DUS2: variants seen among roughly 807,000 people sequenced by gnomAD.
The protein encoded by DUS2 is tRNA-dihydrouridine(20) synthase [NAD(P)+]-like.
Under a neutral mutation model 71.3 loss-of-function variants are expected in DUS2, and 52 were observed. That is an observed-to-expected ratio of 0.73 (90% confidence interval 0.58 to 0.92). The LOEUF (loss-of-function observed/expected upper bound fraction) is 0.92. Among genes scored for constraint, DUS2 ranks in the 40% least tolerant of loss-of-function variants. The pLI is 0.00. For synonymous variants in DUS2, 204 were observed against 227.8 expected (o/e 0.90, Z 0.94); for missense variants, 558 against 622.6 (o/e 0.90, Z 1.10).
chr16:68,049,406 C>G, intron 3 of DUS2, 99 bp from the exon 4 acceptor site: 1 of 1,278,816 alleles, frequency 7.8e-7, no homozygotes, highest in Non-Finnish European at 1.1e-6. Flanking sequence ...GGTAGTAGGG[C>G]GACTGGCCAA....
chr16:68,029,468 G>A (rs1341877317), intron 2 of DUS2, among the ~76,000 whole-genome samples: 1 of 151,586 alleles, frequency 6.6e-6, no homozygotes, highest in East Asian at 1.9e-4. Flanking sequence ...TTTTTTTGAG[G>A]CAGAGTCTTG....
At chr16:68,028,437 C>T (rs1431821097) in intron 2 of DUS2, among the ~76,000 whole-genome samples, 1 of 151,922 alleles carries the variant, frequency 6.6e-6, no homozygotes, top group Non-Finnish European at 1.5e-5. Context: ...AGTTTGAGAC[C>T]AGTCTGGCCA....
intron 2 of DUS2, among the ~76,000 whole-genome samples, chr16:68,034,311 A>G (rs1290774149): frequency 2.0e-5 from 3 of 151,044 alleles, no homozygotes; most frequent in Non-Finnish European, 4.4e-5. Flanking sequence ...TCCCATCTCC[A>G]ACTCAAGCGA....
intron 3 of DUS2, among the ~76,000 whole-genome samples, chr16:68,043,074 A>C (rs1419223914): frequency 6.6e-6 from 1 of 152,090 alleles, no homozygotes; most frequent in Admixed American, 6.6e-5. Flanking sequence ...GCTGGTCCCA[A>C]ACAGGTGGCC....
chr16:68,044,216 T>A (rs2033670146), intron 3 of DUS2, among the ~76,000 whole-genome samples: 1 of 152,166 alleles, frequency 6.6e-6, no homozygotes, highest in Non-Finnish European at 1.5e-5. Flanking sequence ...TAATCTGGGT[T>A]CTTTGCATTG....
At chr16:68,038,900 A>G (rs1450216633) in intron 3 of DUS2, among the ~76,000 whole-genome samples, 1 of 150,428 alleles carries the variant, frequency 6.6e-6, no homozygotes, top group East Asian at 2.0e-4. Flanking sequence ...AAAAAAATTT[A>G]TATATTAAAA....
chr16:68,053,714 A>T, intron 5 of DUS2, 59 bp downstream of exon 5: 1 of 1,576,890 alleles, frequency 6.3e-7, no homozygotes, highest in Non-Finnish European at 8.7e-7. Flanking sequence ...GGATTTCCCA[A>T]CTCATGCCCT....
intron 2 of DUS2, among the ~76,000 whole-genome samples, chr16:68,031,869 A>G (rs1206658030): frequency 6.6e-6 from 1 of 151,646 alleles, no homozygotes; most frequent in Non-Finnish European, 1.5e-5. Flanking sequence ...TAATTTTTTT[A>G]TTTTTAGTAG....
At chr16:68,043,135 G>A (rs1335955672) in intron 3 of DUS2, among the ~76,000 whole-genome samples, 2 of 151,900 alleles carry the variant, frequency 1.3e-5, no homozygotes, top group Non-Finnish European at 2.9e-5. Flanking sequence ...TTGGCTGGGC[G>A]TGATGGCTCA....
Position 68,038,002 on chromosome 16 carries a change from T to C in DUS2, c.-18-4T>C, listed in dbSNP as rs199527982. The C allele has an allele frequency of 6.6e-5, 105 of 1,600,574 alleles. No homozygotes were observed. The highest frequency in any genetic ancestry group is 4.3e-4 in the Admixed American group (24 of 55,990). ...CTGACTCTTGTTTCCTCTTTTTTTT[T>C]CAGGCTGTAACAGAGGAGGAAATGA... On this transcript the variant is annotated splice_polypyrimidine_tract_variant and splice_region_variant and intron_variant, in intron 2 of 16. Transcript: ENST00000565263.
rs1353718710 is a variant in DUS2 at position 68,044,376 on chromosome 16, A to T, written c.127-5129A>T. Among the ~76,000 whole-genome samples, 10 of 147,916 alleles carry T rather than the reference A, an allele frequency of 6.8e-5. No individual in the cohort carries two copies. The East Asian group carries it at 2.0e-3, about 29-fold the overall frequency. Reference sequence around the variant, plus strand: ...CAATCCATGAACATGAGATGTCTTTATTTAGGTCTTCTTTAATTTCTTTTT... The same window carrying T: ...CAATCCATGAACATGAGATGTCTTTTTTTAGGTCTTCTTTAATTTCTTTTT... On this transcript the variant is annotated intron_variant, in intron 3 of 16. Coordinates refer to ENST00000565263, the MANE Select transcript of DUS2 (RefSeq NM_017803.5).
intron 7 of DUS2, among the ~76,000 whole-genome samples, chr16:68,057,677 T>C (rs752789884): frequency 6.6e-5 from 10 of 151,882 alleles, no homozygotes; most frequent in Admixed American, 2.6e-4. Context: ...GTCAGGAGTT[T>C]GAGACCAGCC....
chr16:68,073,676 T>C (rs2034117559), intron 12 of DUS2, among the ~76,000 whole-genome samples: 1 of 152,168 alleles, frequency 6.6e-6, no homozygotes. Flanking sequence ...CTTGAACTCC[T>C]GACCTCAGGT....
intron 3 of DUS2, among the ~76,000 whole-genome samples, chr16:68,046,523 C>G (rs573805775): frequency 1.3e-5 from 2 of 152,194 alleles, no homozygotes; most frequent in South Asian, 4.1e-4. Flanking sequence ...GGATACAGGC[C>G]TGTGCCACCA....
intron 16 of DUS2, 53 bp from the exon 17 acceptor site, chr16:68,078,696 G>C: frequency 6.4e-7 from 1 of 1,558,230 alleles, no homozygotes; most frequent in Non-Finnish European, 8.8e-7. Context: ...TGTAGAGTCA[G>C]GCCTCATAGC....
intron 12 of DUS2, among the ~76,000 whole-genome samples, chr16:68,073,634 A>C (rs2034117012): frequency 6.6e-6 from 1 of 151,972 alleles, no homozygotes; most frequent in Non-Finnish European, 1.5e-5. Flanking sequence ...TTTTTAGTAG[A>C]GACGGGGCTT....
At chr16:68,026,435 C>G (rs1213011008) in intron 2 of DUS2, among the ~76,000 whole-genome samples, 1 of 152,174 alleles carries the variant, frequency 6.6e-6, no homozygotes, top group Non-Finnish European at 1.5e-5. Context: ...ATTTTCCCAC[C>G]TGTAGCAGGG....
At chr16:68,066,134 G>A (rs2034001816) in intron 8 of DUS2, among the ~76,000 whole-genome samples, 183 bp from the exon 9 acceptor site, 1 of 152,140 alleles carries the variant, frequency 6.6e-6, no homozygotes, top group African/African-American at 2.4e-5. Context: ...ATAGAACAAA[G>A]GCAGGTCCCT....
rs1437812838 is a variant in DUS2 at position 68,078,512 on chromosome 16, C to G, written c.1238C>G (p.Thr413Ser). The part of the protein sequence containing the change: ...VTVAEQKYQS[T>S]LWDKSKKLAE... ...GTTGCTGAACAAAAGTATCAGTCTA[C>G]CTTGTGGTAAGTTTCCTTATCATAG... The change falls in exon 16 of 17, where the codon ACC becomes AGC. Residue 413 changes from threonine to serine, a missense_variant. By Grantham distance (58) the Thr-to-Ser change is moderately conservative. Transcript: ENST00000565263. 6.2e-7 allele frequency: 1 copy of G among 1,613,966 alleles called. No homozygotes were observed. The highest frequency in any genetic ancestry group is 8.5e-7 in the Non-Finnish European group (1 of 1,179,994).
Sources: allele counts gnomAD v4.1 joint callset (sites outside exome capture counted in the v4.1 genomes callset), GRCh38; gene constraint gnomAD v4.1.1; transcripts MANE v1.5; gene names NCBI Gene and HGNC (gene_info 2026-07-23, HGNC 2026-07-21).